The following ADAMTS9 variants were observed in gnomAD, a reference collection of about 807,000 sequenced individuals.
The protein encoded by ADAMTS9 is A disintegrin and metalloproteinase with thrombospondin motifs 9.
ADAMTS9 carries 107 observed loss-of-function variants against 257.1 expected under a neutral mutation model. That is an observed-to-expected ratio of 0.42 (90% CI 0.36 to 0.49). ADAMTS9 has a LOEUF of 0.49. Ranked by LOEUF, ADAMTS9 falls within the 20% of genes least tolerant of loss-of-function variation. The probability of loss-of-function intolerance (pLI) is 0.03; values close to 1 mark genes in which losing one functional copy is unlikely to be tolerated. For synonymous variants in ADAMTS9, 982 were observed against 880.9 expected, an observed-to-expected ratio of 1.11 and a Z score of -2.03; for missense variants, 2,353 against 2,469.1, an observed-to-expected ratio of 0.95 and a Z score of 1.00.
chr3:64,678,793 T>C (rs1701685642), intron 3 of ADAMTS9, among the ~76,000 whole-genome samples: 1 of 152,190 alleles, frequency 6.6e-6, no homozygotes, highest in South Asian at 2.1e-4. Context: ...TCGTGCCATA[T>C]TCTAAACTGT....
intron 8 of ADAMTS9, among the ~76,000 whole-genome samples, chr3:64,653,356 G>A (rs1425775928): frequency 6.6e-6 from 1 of 152,198 alleles, no homozygotes; most frequent in African/African-American, 2.4e-5. Context: ...CCTCTTTTAT[G>A]TTCTAAATAT....
At position 64,574,203 on chromosome 3, in the gene ADAMTS9, G is replaced by A. The variant is rs368343386; in HGVS notation, c.4357-5668C>T. On this transcript the variant is annotated intron_variant, in intron 28 of 39. Coordinates refer to ENST00000498707, the MANE Select transcript of ADAMTS9 (RefSeq NM_182920.2). ...GCCACCCCAAGAGCACTCTCTTTCA[G>A]TTTGAGCAGAACTCCTGAAAATCAT... Among the ~76,000 whole-genome samples, 40 of 152,168 alleles carry A rather than the reference G, an allele frequency of 2.6e-4. 4 individuals carry two copies. The highest frequency in any genetic ancestry group is 2.3e-3 in the Admixed American group (35 of 15,278).
At chr3:64,674,317 A>G (rs1701571297) in intron 3 of ADAMTS9, among the ~76,000 whole-genome samples, 1 of 152,232 alleles carries the variant, frequency 6.6e-6, no homozygotes. Context: ...AAAAGGGGAA[A>G]ATGAAAGGAA....
At chr3:64,616,611 C>G (rs2084770657) in intron 19 of ADAMTS9, among the ~76,000 whole-genome samples, 1 of 152,054 alleles carries the variant, frequency 6.6e-6, no homozygotes, top group African/African-American at 2.4e-5. Flanking sequence ...CCTTTGTATC[C>G]ATACTACCTG....
At chr3:64,524,580 C>A (rs530252026) in intron 38 of ADAMTS9, among the ~76,000 whole-genome samples, 1 of 152,316 alleles carries the variant, frequency 6.6e-6, no homozygotes, top group South Asian at 2.1e-4. Context: ...CTCAGGTGAT[C>A]TGTATTAGAA....
intron 32 of ADAMTS9, among the ~76,000 whole-genome samples, chr3:64,542,357 A>G (rs1575997567): frequency 6.6e-6 from 1 of 151,800 alleles, no homozygotes; most frequent in Admixed American, 6.6e-5. Context: ...GTCATAGTGG[A>G]GCCAGGATTC....
intron 38 of ADAMTS9, among the ~76,000 whole-genome samples, chr3:64,522,761 A>G (rs10470705): frequency 0.19 from 28,216 of 152,024 alleles, 3,296 homozygotes; most frequent in East Asian, 0.34. Flanking sequence ...GATCATTACA[A>G]TTTATGTGCT....
intron 30 of ADAMTS9, among the ~76,000 whole-genome samples, chr3:64,557,272 C>G (rs1300724398): frequency 6.6e-6 from 1 of 152,170 alleles, no homozygotes; most frequent in South Asian, 2.1e-4. Flanking sequence ...CCTGTGAGAT[C>G]TATTCCTCAA....
Position 64,561,874 on chromosome 3 carries a change from A to C in ADAMTS9, c.4525-123T>G, listed in dbSNP as rs1308515944. The C allele has an allele frequency of 3.7e-6, 3 of 815,390 alleles. No homozygotes were observed. In the East Asian group the frequency reaches 8.0e-5, roughly 22 times the overall value. The allele number at this position is 815,390 out of a possible 1,614,324, so 50.5% of individuals were successfully genotyped here. ...ATCCAATGACTTTCATAGCTATCAC[A>C]TCGCTTTCTAATTTGCAATGAAAGG... On this transcript the variant is annotated intron_variant, in intron 29 of 39. Transcript: ENST00000498707.
At position 64,531,920 on chromosome 3, in the gene ADAMTS9, C is replaced by T. The variant is rs76413737; in HGVS notation, c.5718+1246G>A. Among the ~76,000 whole-genome samples the T allele has an allele frequency of 5.4e-3, 815 of 152,270 alleles. 6 individuals are homozygous for T. Among genetic ancestry groups the T allele is most frequent in the African/African-American group, 0.018 (735 of 41,560 alleles). On this transcript the variant is annotated intron_variant, in intron 38 of 39. Coordinates refer to ENST00000498707, the MANE Select transcript of ADAMTS9 (RefSeq NM_182920.2). ...CATTTTTCCACGAGCCGGGTTTCTGCCCCACGTTCTCAGGACTTCAGAGGG... is the reference window on the plus strand; with the variant it reads ...CATTTTTCCACGAGCCGGGTTTCTGTCCCACGTTCTCAGGACTTCAGAGGG...
rs767888103 is a variant in ADAMTS9 at position 64,655,679 on chromosome 3, T to C, written c.1066A>G (p.Ile356Val). Residue 356 changes from isoleucine to valine, a missense_variant, in exon 6 of 40, where the codon ATA (isoleucine) becomes GTA (valine). By Grantham distance (29) the Ile-to-Val change is conservative. This residue lies in a region of ADAMTS9 where 591 missense variants were observed against 569.6 expected (regional missense o/e 1.04). Transcript: ENST00000498707. ...VIHNEQDGPS[I>V]SFNAQTTLKN... ...AATGTTGTCTGAGCATTAAAAGATA[T>C]GGAAGGCCCATCCTAAATACAGAGA... is the stretch of plus-strand genomic sequence containing the variant. 1.9e-6 allele frequency: 3 copies of C among 1,613,922 alleles called. No individual in the cohort carries two copies. Among genetic ancestry groups the C allele is most frequent in the Admixed American group, 1.7e-5 (1 of 60,006 alleles).
Position 64,522,337 on chromosome 3 carries a change from G to A in ADAMTS9, c.5719-77C>T, listed in dbSNP as rs970146743. Reference sequence around the variant, plus strand: ...GCCTGCACTGGCTTTTTGGGAAAACGTTCTTATACACACAGTAAACAGGCC... The same window carrying A: ...GCCTGCACTGGCTTTTTGGGAAAACATTCTTATACACACAGTAAACAGGCC... On this transcript the variant is annotated intron_variant, in intron 38 of 39. Coordinates refer to ENST00000498707, the MANE Select transcript of ADAMTS9 (RefSeq NM_182920.2). The A allele has an allele frequency of 2.0e-5, 25 of 1,270,304 alleles. No homozygotes were observed. The East Asian group carries it at 2.1e-4, about 11-fold the overall frequency. The allele number at this position is 1,270,304 out of a possible 1,614,324, so 78.7% of individuals were successfully genotyped here.
At chr3:64,645,793 C>A (rs957504191) in intron 11 of ADAMTS9, among the ~76,000 whole-genome samples, 1 of 152,188 alleles carries the variant, frequency 6.6e-6, no homozygotes, top group Non-Finnish European at 1.5e-5. Flanking sequence ...AAGGCTCCTG[C>A]TCTTGCTACA....
chr3:64,567,001 A>AT (rs879293054), intron 29 of ADAMTS9, among the ~76,000 whole-genome samples: 333 of 150,112 alleles, frequency 2.2e-3, no homozygotes, highest in Middle Eastern at 3.4e-3. Context: ...CTGGGTATAG[A>AT]TTTTTTTTTT....
chr3:64,631,646 T>A, intron 15 of ADAMTS9, 96 bp from the exon 16 acceptor site: 1 of 1,259,970 alleles, frequency 7.9e-7, no homozygotes, highest in South Asian at 1.2e-5. Context: ...TAGAATATAA[T>A]TCTCATATAA....
intron 3 of ADAMTS9, among the ~76,000 whole-genome samples, chr3:64,669,477 G>A (rs1019100305): frequency 1.3e-5 from 2 of 152,166 alleles, no homozygotes; most frequent in African/African-American, 2.4e-5. Flanking sequence ...GAGTCCCTTC[G>A]AAGTTCTGGG....
chr3:64,575,140 G>C (rs540372476), intron 28 of ADAMTS9, among the ~76,000 whole-genome samples: 3 of 152,110 alleles, frequency 2.0e-5, no homozygotes, highest in African/African-American at 7.2e-5. Flanking sequence ...TATTTCCATT[G>C]ATGGGTGAAT....
chr3:64,680,771 AT>A (rs1227659930), intron 3 of ADAMTS9, among the ~76,000 whole-genome samples: 1 of 152,198 alleles, frequency 6.6e-6, no homozygotes, highest in Admixed American at 6.5e-5. Flanking sequence ...TTTATAAGAC[AT>A]TTCTGTAACC....
chr3:64,655,325 C>T (rs1701039079), intron 6 of ADAMTS9, among the ~76,000 whole-genome samples: 1 of 152,136 alleles, frequency 6.6e-6, no homozygotes, highest in African/African-American at 2.4e-5. Flanking sequence ...CCACGGGGGG[C>T]AGTGGCAATG....
Sources: allele counts gnomAD v4.1 joint callset (sites outside exome capture counted in the v4.1 genomes callset), GRCh38; gene constraint gnomAD v4.1.1; regional missense constraint gnomAD v4.1.1; transcripts MANE v1.5; gene names NCBI Gene and HGNC (gene_info 2026-07-23, HGNC 2026-07-21).